The following KCNB2 variants were observed in gnomAD, a reference collection of about 807,000 sequenced individuals.
The protein encoded by KCNB2 is potassium voltage-gated channel subfamily B member 2, also known as delayed rectifier potassium channel protein.
A neutral mutation model predicts 61.5 loss-of-function variants in KCNB2; 15 were observed. The observed-to-expected ratio is 0.24, with a 90% CI of 0.16 to 0.38. KCNB2 has a LOEUF of 0.38. KCNB2 is among the 10% of genes least tolerant of loss of function. The pLI is 1.00. For missense variants in KCNB2, 828 were observed against 1,125.2 expected (o/e 0.74, Z 3.78); for synonymous variants, 457 against 446.0 (o/e 1.02, Z -0.31).
chr8:72,591,184 C>T lies in KCNB2; in HGVS notation c.579+22871C>T, dbSNP rs974384373. 3.3e-5 allele frequency among the ~76,000 whole-genome samples: 5 copies of T among 152,094 alleles called. No homozygotes were observed. In the East Asian group the frequency reaches 9.6e-4, roughly 29 times the overall value. ...TAAGTGTACTTTCCCAATGCTAAGA[C>T]ACTTTATATTCAGTTGATCTAGTTT... On this transcript the variant is annotated intron_variant, in intron 2 of 2. Transcript: ENST00000523207.
At chr8:72,681,474 T>C (rs1276174038) in intron 2 of KCNB2, among the ~76,000 whole-genome samples, 1 of 152,068 alleles carries the variant, frequency 6.6e-6, no homozygotes, top group Non-Finnish European at 1.5e-5. Flanking sequence ...TACTGGAAGG[T>C]CTTCAGGGGC....
chr8:72,917,193 A>G (rs1806417355), intron 2 of KCNB2, among the ~76,000 whole-genome samples: 1 of 152,226 alleles, frequency 6.6e-6, no homozygotes. Context: ...GATGAGTACT[A>G]AAGTTGAGAA....
At chr8:72,839,838 C>T (rs1809849054) in intron 2 of KCNB2, among the ~76,000 whole-genome samples, 2 of 151,862 alleles carry the variant, frequency 1.3e-5, no homozygotes, top group Admixed American at 1.3e-4. Context: ...TGGTCTTGAT[C>T]TCCTGACCTC....
In KCNB2 at chr8:72,610,204, T is replaced by C. The variant is rs978790856; in HGVS notation, c.579+41891T>C. Among the ~76,000 whole-genome samples the C allele has an allele frequency of 3.3e-5, 5 of 152,144 alleles. No individual in the cohort carries two copies. The East Asian group carries it at 9.6e-4, about 29-fold the overall frequency. On this transcript the variant is annotated intron_variant, in intron 2 of 2. Transcript: ENST00000523207. ...GACTCTTAAAGCTCTCCAAATCACATCTCTTGAAGAGTAGATGTTGTACTG... is the reference window on the plus strand; with the variant it reads ...GACTCTTAAAGCTCTCCAAATCACACCTCTTGAAGAGTAGATGTTGTACTG...
intron 2 of KCNB2, among the ~76,000 whole-genome samples, chr8:72,588,343 C>G (rs1418093161): frequency 6.6e-6 from 1 of 151,480 alleles, no homozygotes; most frequent in Non-Finnish European, 1.5e-5. Context: ...CTCAGCCTCT[C>G]GAATAGCTGG....
chr8:72,865,826 C>T (rs1311598689), intron 2 of KCNB2, among the ~76,000 whole-genome samples: 7 of 152,190 alleles, frequency 4.6e-5, no homozygotes, highest in Non-Finnish European at 8.8e-5. Context: ...AGGAAACACC[C>T]TGACCCCCAT....
chr8:72,812,520 A>T (rs1288801099), intron 2 of KCNB2, among the ~76,000 whole-genome samples: 1 of 152,132 alleles, frequency 6.6e-6, no homozygotes, highest in Non-Finnish European at 1.5e-5. Context: ...AAATGGATAG[A>T]TAAAAATATA....
At chr8:72,735,381 C>A (rs1563574919) in intron 2 of KCNB2, among the ~76,000 whole-genome samples, 2 of 151,620 alleles carry the variant, frequency 1.3e-5, no homozygotes, top group Admixed American at 1.3e-4. Flanking sequence ...TGTATCTTAC[C>A]AAAAAAAATG....
intron 2 of KCNB2, among the ~76,000 whole-genome samples, chr8:72,805,343 G>A (rs1476736254): frequency 6.6e-6 from 1 of 152,134 alleles, no homozygotes; most frequent in East Asian, 1.9e-4. Flanking sequence ...GTTCTAATCA[G>A]AGAGTTATCA....
chr8:72,937,884 C>A lies in KCNB2; in HGVS notation c.2529C>A (p.Asp843Glu). Residue 843 changes from aspartate (D) to glutamate (E), a missense_variant, in exon 3 of 3, where the codon GAC (aspartate) becomes GAA (glutamate). Physicochemically the swap from Asp to Glu is conservative, Grantham distance 45. Transcript: ENST00000523207. ...CAGATAAGCCTAGTGATGGGAGAGA[C>A]CCTTTAAGAGAAGAGGGCAGTGTGG... ...CFADKPSDGR[D>E]PLREEGSVGS... 1.2e-6 allele frequency: 2 copies of A among 1,614,068 alleles called. No homozygotes were observed. Among genetic ancestry groups the A allele is most frequent in the South Asian group, 1.1e-5 (1 of 91,084 alleles).
intron 2 of KCNB2, among the ~76,000 whole-genome samples, chr8:72,575,332 C>G (rs1806779139): frequency 7.6e-6 from 1 of 132,078 alleles, no homozygotes; most frequent in Non-Finnish European, 1.6e-5. Flanking sequence ...AATACTCATA[C>G]TATTGATTAG....
intron 2 of KCNB2, among the ~76,000 whole-genome samples, chr8:72,571,021 C>T (rs1170781132): frequency 6.6e-6 from 1 of 151,978 alleles, no homozygotes; most frequent in Admixed American, 6.6e-5. Context: ...GTGTTTTTCT[C>T]TTTTGGTTTT....
chr8:72,861,322 A>G (rs576479093), intron 2 of KCNB2, among the ~76,000 whole-genome samples: 1 of 152,196 alleles, frequency 6.6e-6, no homozygotes, highest in South Asian at 2.1e-4. Flanking sequence ...TTATAATGCA[A>G]TTTTGGCAAA....
At chr8:72,661,511 T>G (rs2128987352) in intron 2 of KCNB2, 1 of 152,362 alleles carries the variant, frequency 6.6e-6, no homozygotes, top group South Asian at 2.1e-4. Flanking sequence ...TCATTTGACG[T>G]AGTCATTTAA....
chr8:72,734,301 G>T (rs1807801163), intron 2 of KCNB2, among the ~76,000 whole-genome samples: 1 of 152,114 alleles, frequency 6.6e-6, no homozygotes, highest in South Asian at 2.1e-4. Context: ...GCAGCCTATT[G>T]TCTTTATTCT....
At chr8:72,631,705 T>C (rs1338383699) in intron 2 of KCNB2, among the ~76,000 whole-genome samples, 2 of 152,140 alleles carry the variant, frequency 1.3e-5, no homozygotes, top group East Asian at 3.9e-4. Context: ...CTAATATCAA[T>C]AGATAAAATG....
intron 2 of KCNB2, among the ~76,000 whole-genome samples, chr8:72,737,301 T>G (rs1178694022): frequency 6.6e-6 from 1 of 152,186 alleles, no homozygotes; most frequent in African/African-American, 2.4e-5. Flanking sequence ...ATTGATCATA[T>G]CTGGATTTTA....
At chr8:72,846,017 T>C (rs779807095) in intron 2 of KCNB2, among the ~76,000 whole-genome samples, 1 of 150,808 alleles carries the variant, frequency 6.6e-6, no homozygotes, top group Non-Finnish European at 1.5e-5. Context: ...GGCAGCTAGC[T>C]TGGTGTCTGC....
intron 2 of KCNB2, among the ~76,000 whole-genome samples, chr8:72,894,030 G>C (rs1279782016): frequency 6.6e-6 from 1 of 152,132 alleles, no homozygotes; most frequent in Non-Finnish European, 1.5e-5. Flanking sequence ...TGCTCTTTTG[G>C]AGCAAATTAC....
Sources: allele counts gnomAD v4.1 joint callset (sites outside exome capture counted in the v4.1 genomes callset), GRCh38; gene constraint gnomAD v4.1.1; transcripts MANE v1.5; gene names NCBI Gene and HGNC (gene_info 2026-07-23, HGNC 2026-07-21).